The following CHD4 variants were observed in gnomAD, a reference collection of about 807,000 sequenced individuals.
CHD4 encodes chromodomain helicase DNA binding protein 4.
In CHD4, 35 loss-of-function variants were observed where a neutral mutation model predicts 235.5. The ratio of observed to expected loss-of-function variants is 0.15; its 90% CI spans 0.11 to 0.20. CHD4 has a LOEUF of 0.20. CHD4 is among the 10% of genes least tolerant of loss of function. CHD4 has a pLI of 1.00. For missense variants in CHD4, 1,329 were observed against 2,432.3 expected, an observed-to-expected ratio of 0.55 and a Z score of 9.54; for synonymous variants, 900 against 850.2, an observed-to-expected ratio of 1.06 and a Z score of -1.02.
intron 37 of CHD4, among the ~76,000 whole-genome samples, chr12:6,574,122 T>C (rs1193712383): frequency 6.6e-6 from 1 of 152,204 alleles, no homozygotes; most frequent in East Asian, 1.9e-4. Context: ...TTTTCTAATG[T>C]AGTAATACTG....
chr12:6,601,956 G>A lies in CHD4; in HGVS notation c.438+4C>T, dbSNP rs758596073. 15 of 1,607,488 alleles carry A rather than the reference G, an allele frequency of 9.3e-6. No homozygotes were observed. Among genetic ancestry groups the A allele is most frequent in the Non-Finnish European group, 1.1e-5 (13 of 1,179,916 alleles). ...TACAAAGAAGAGGATGGAGGTCCAG[G>A]CACCTTTGAATCATCATCATCATCC... On this transcript the variant is annotated splice_donor_region_variant and intron_variant, in intron 4 of 39. Transcript: ENST00000544040.
chr12:6,596,948 G>A (rs1010379160), intron 12 of CHD4, among the ~76,000 whole-genome samples: 14 of 148,062 alleles, frequency 9.5e-5, no homozygotes, highest in African/African-American at 3.5e-4. Flanking sequence ...CACAGAGCAA[G>A]ACTCTGTCTC....
chr12:6,591,616 G>A (rs1360826146), intron 21 of CHD4, 33 bp from the exon 22 acceptor site: 2 of 1,613,604 alleles, frequency 1.2e-6, no homozygotes, highest in Non-Finnish European at 1.7e-6. Flanking sequence ...TTATGGAAGA[G>A]TCAGATGGTA....
At chr12:6,592,864 C>A in intron 17 of CHD4, 47 bp from the exon 18 acceptor site, 2 of 1,581,848 alleles carry the variant, frequency 1.3e-6, no homozygotes, top group South Asian at 1.1e-5. Context: ...AAACAGAGCT[C>A]TAGCAAATCT....
intron 2 of CHD4, 145 bp from the exon 3 acceptor site, chr12:6,602,642 G>C (rs1020616653): frequency 8.8e-7 from 1 of 1,141,820 alleles, no homozygotes; most frequent in Admixed American, 2.4e-5. Flanking sequence ...ACAGGAGGAA[G>C]CTGATACCCA....
At chr12:6,572,366 T>C (rs1947989335) in intron 38 of CHD4, among the ~76,000 whole-genome samples, 1 of 142,444 alleles carries the variant, frequency 7.0e-6, no homozygotes, top group African/African-American at 2.7e-5. Flanking sequence ...GCAGAGGTTG[T>C]GGTGGGCCAA....
At chr12:6,589,568 A>C (rs1199563213) in intron 22 of CHD4, among the ~76,000 whole-genome samples, 1 of 152,066 alleles carries the variant, frequency 6.6e-6, no homozygotes, top group African/African-American at 2.4e-5. Flanking sequence ...GGAGATCGAG[A>C]CCATCCTGGC....
chr12:6,596,917 C>G (rs1948509234), intron 12 of CHD4, among the ~76,000 whole-genome samples: 1 of 150,792 alleles, frequency 6.6e-6, no homozygotes, highest in African/African-American at 2.4e-5. Flanking sequence ...TTAGATCATA[C>G]CACTGCACTC....
chr12:6,574,531 TGACTCAACATAA>T (rs1948034732), intron 37 of CHD4, among the ~76,000 whole-genome samples: 1 of 152,218 alleles, frequency 6.6e-6, no homozygotes, highest in Non-Finnish European at 1.5e-5. Context: ...ATAAAACATA[TGACTCAACATAA>T]GAGAAGATTT....
In CHD4 at chr12:6,586,277, G is replaced by A. The variant is rs146797810; in HGVS notation, c.3879+1107C>T. ...TAGCTGGGTGTGGAGGCAGGCACCT[G>A]TAGTCCCCAGCTACTCGGGAGGCTG... On this transcript the variant is annotated intron_variant, in intron 25 of 39. Coordinates refer to ENST00000544040, the MANE Select transcript of CHD4 (RefSeq NM_001273.5). Among the ~76,000 whole-genome samples, 14 of 150,518 alleles carry A rather than the reference G, an allele frequency of 9.3e-5. No homozygotes were observed. In the East Asian group the frequency reaches 2.8e-3, roughly 30 times the overall value.
rs754463324 is a variant in CHD4, at chr12:6,582,567, T to C, written c.4370+48A>G. 7.0e-6 allele frequency: 11 copies of C among 1,560,912 alleles called. 1 individual carries two copies. Among genetic ancestry groups the C allele is most frequent in the South Asian group, 6.2e-5 (5 of 80,930 alleles). Reference sequence around the variant, plus strand: ...TAGAACCATGGAATGACCAGATAGATAGCAGAAGCCCTTGCTCTAGATCAG... The same window carrying C: ...TAGAACCATGGAATGACCAGATAGACAGCAGAAGCCCTTGCTCTAGATCAG... On this transcript the variant is annotated intron_variant, in intron 29 of 39. Transcript: ENST00000544040.
At chr12:6,582,390 G>A in intron 29 of CHD4, 109 bp from the exon 30 acceptor site, 1 of 1,373,266 alleles carries the variant, frequency 7.3e-7, no homozygotes, top group Non-Finnish European at 9.9e-7. Flanking sequence ...GCTCCACCTT[G>A]AGGTAAAGCC....
chr12:6,594,277 T>C (rs554212456), intron 15 of CHD4, among the ~76,000 whole-genome samples, 182 bp downstream of exon 15: 1 of 152,350 alleles, frequency 6.6e-6, no homozygotes, highest in East Asian at 1.9e-4. Context: ...CATGTGTTTA[T>C]CCACTATCAC....
Position 6,581,772 on chromosome 12 carries a change from C to T in CHD4, c.4558G>A (p.Glu1520Lys), listed in dbSNP as rs1225030771. Residue 1520 changes from glutamate to lysine, a missense_variant, in exon 31 of 40, where the codon GAA becomes AAA. Transcript: ENST00000544040. Reference protein sequence around the residue: ...EHVNGRWSMPELAEVEENKKM... With the variant: ...EHVNGRWSMPKLAEVEENKKM... ...TTGTTTTCCTCCACCTCAGCCAGTTCAGGCATGCTCCAGCGCCCATTAACA... is the reference window on the plus strand; with the variant it reads ...TTGTTTTCCTCCACCTCAGCCAGTTTAGGCATGCTCCAGCGCCCATTAACA... 6.3e-7 allele frequency: 1 copy of T among 1,576,148 alleles called. No homozygotes were observed. The highest frequency in any genetic ancestry group is 1.2e-5 in the South Asian group (1 of 84,122).
intron 12 of CHD4, among the ~76,000 whole-genome samples, chr12:6,596,500 A>C (rs1332724454): frequency 6.6e-6 from 1 of 151,442 alleles, no homozygotes; most frequent in Non-Finnish European, 1.5e-5. Flanking sequence ...AAAAAAAAAA[A>C]AAATTAGCCA....
rs1393114458 is a variant in CHD4, at chr12:6,604,671, G to GC, written c.100+1602dup. Among the ~76,000 whole-genome samples, 8 of 152,136 alleles carry GC rather than the reference G, an allele frequency of 5.3e-5. No individual in the cohort carries two copies. The South Asian group carries it at 1.5e-3, about 28-fold the overall frequency. On this transcript the variant is annotated intron_variant, in intron 2 of 39. Coordinates refer to ENST00000544040, the MANE Select transcript of CHD4 (RefSeq NM_001273.5). The stretch of plus-strand genomic sequence containing the variant: ...GGGGACATCCTTCCATGCACATGGA[G>GC]CCCCCCAAACTTCTCAGGCAAATAA...
Position 6,602,387 on chromosome 12 carries a change from G to C in CHD4, c.211C>G (p.Gln71Glu). Residue 71 changes from glutamine to glutamate, a missense_variant, in exon 3 of 40, where the codon CAA becomes GAA. Physicochemically the swap from Gln to Glu is conservative, Grantham distance 29. Around this residue, in one of 26 missense-constraint regions of CHD4, gnomAD observed 213 missense variants for 177.5 expected, o/e 1.20. Coordinates refer to ENST00000544040, the MANE Select transcript of CHD4 (RefSeq NM_001273.5). ...RDPKIPKSKR[Q>E]KKERMLLCRQ... ...AGTCACCCACTCACCTCCTTTTTTT[G>C]GCGCTTGCTCTTAGGGATTTTAGGG... is the stretch of plus-strand genomic sequence containing the variant. The C allele has an allele frequency of 6.2e-7, 1 of 1,611,928 alleles. No homozygotes were observed. The highest frequency in any genetic ancestry group is 8.5e-7 in the Non-Finnish European group (1 of 1,179,496).
chr12:6,584,663 C>T (rs1286038457), intron 25 of CHD4: 1 of 152,214 alleles, frequency 6.6e-6, no homozygotes, highest in East Asian at 1.9e-4. Flanking sequence ...GGATTCTAGG[C>T]ATGAGCCACC....
At chr12:6,592,168 G>A (rs928723258) in intron 19 of CHD4, 111 bp from the exon 20 acceptor site, 7 of 1,403,038 alleles carry the variant, frequency 5.0e-6, no homozygotes, top group African/African-American at 2.8e-5. Context: ...TTGGAACTAA[G>A]GACACCTAAC....
Sources: allele counts gnomAD v4.1 joint callset (sites outside exome capture counted in the v4.1 genomes callset), GRCh38; gene constraint gnomAD v4.1.1; regional missense constraint gnomAD v4.1.1; transcripts MANE v1.5; gene names NCBI Gene and HGNC (gene_info 2026-07-23, HGNC 2026-07-21).